The following THSD7B variants were observed in gnomAD, a reference collection of about 807,000 sequenced individuals.
THSD7B encodes thrombospondin type 1 domain containing 7B.
THSD7B carries 138 observed loss-of-function variants against 213.6 expected under a neutral mutation model. That is an observed-to-expected ratio of 0.65 (90% CI 0.56 to 0.74). The LOEUF is 0.74. Ranked by LOEUF, THSD7B falls within the 30% of genes least tolerant of loss-of-function variation. The pLI, the probability that THSD7B is intolerant of heterozygous loss-of-function variation, is 0.00. For synonymous variants in THSD7B, 742 were observed against 687.0 expected, an observed-to-expected ratio of 1.08 and a Z score of -1.25; for missense variants, 1,931 against 1,991.5, an observed-to-expected ratio of 0.97 and a Z score of 0.58.
intron 17 of THSD7B, among the ~76,000 whole-genome samples, chr2:137,588,618 C>A (rs555805609): frequency 1.3e-5 from 2 of 151,934 alleles, no homozygotes; most frequent in Admixed American, 1.3e-4. Context: ...TGAAATCCAG[C>A]ACACATAGAT....
chr2:136,856,511 A>G (rs915408392), intron 1 of THSD7B, among the ~76,000 whole-genome samples: 15 of 149,962 alleles, frequency 1.0e-4, no homozygotes, highest in Non-Finnish European at 1.6e-4. Context: ...CATTATAATG[A>G]GCTGGATTTT....
rs1393075933 is a variant in THSD7B at position 136,903,966 on chromosome 2, GTGTGTGTTTGTT to G, written c.139+21653_139+21664del. ...TGTGTGTGTGTGTGTGTGTGTGTGT[GTGTGTGTTTGTT>G]TGTTTCTGAGCTGGGCCGGCAGCAT... On this transcript the variant is annotated intron_variant, in intron 2 of 27. Transcript: ENST00000409968. 3.6e-3 allele frequency among the ~76,000 whole-genome samples: 196 copies of G among 54,792 alleles called. 5 individuals are homozygous for G. Among genetic ancestry groups the G allele is most frequent in the Admixed American group, 0.016 (57 of 3,642 alleles). The allele number at this position is 54,792 out of a possible 152,430, so 35.9% of individuals were successfully genotyped here.
At chr2:136,818,368 A>G (rs1425697554) in intron 1 of THSD7B, among the ~76,000 whole-genome samples, 2 of 141,020 alleles carry the variant, frequency 1.4e-5, no homozygotes, top group African/African-American at 5.3e-5. Flanking sequence ...GGACACAGGA[A>G]GGGGAATATC....
At chr2:137,278,312 C>T (rs1377134905) in intron 12 of THSD7B, among the ~76,000 whole-genome samples, 1 of 152,140 alleles carries the variant, frequency 6.6e-6, no homozygotes, top group Non-Finnish European at 1.5e-5. Flanking sequence ...ACACCATGAT[C>T]TCTCACCCAG....
rs1019982730 is a variant in THSD7B, at chr2:137,264,928, T to C, written c.2267-7605T>C. 3.0e-4 allele frequency among the ~76,000 whole-genome samples: 45 copies of C among 152,078 alleles called. 1 individual carries two copies. The highest frequency in any genetic ancestry group is 3.2e-3 in the Middle Eastern group (1 of 316). ...TGCCATGCTGGTGCGCTGCACCCAC[T>C]AACTTGTCATCTAGCATTAGGTATA... On this transcript the variant is annotated intron_variant, in intron 10 of 27. Transcript: ENST00000409968.
rs998195265 is a variant in THSD7B, at chr2:137,595,247, A to G, written c.3424-20928A>G. On this transcript the variant is annotated intron_variant, in intron 17 of 27. Transcript: ENST00000409968. ...ATTCCTCTATCTATTCCAAAGTGACAGTATTTAATTACAAGAAGATATGAA... is the reference window on the plus strand; with the variant it reads ...ATTCCTCTATCTATTCCAAAGTGACGGTATTTAATTACAAGAAGATATGAA... Among the ~76,000 whole-genome samples the G allele has an allele frequency of 1.5e-4, 23 of 152,014 alleles. 1 individual carries two copies. The highest frequency in any genetic ancestry group is 4.4e-5 in the Non-Finnish European group (3 of 67,926).
intron 1 of THSD7B, among the ~76,000 whole-genome samples, chr2:136,858,976 T>A (rs1446023740): frequency 6.6e-6 from 1 of 152,232 alleles, no homozygotes; most frequent in Non-Finnish European, 1.5e-5. Context: ...TGGGTTCTTA[T>A]GACCTTCCTG....
chr2:137,564,982 T>C (rs1438820387), intron 16 of THSD7B, among the ~76,000 whole-genome samples: 1 of 152,078 alleles, frequency 6.6e-6, no homozygotes, highest in Admixed American at 6.6e-5. Flanking sequence ...AAAATAAGGT[T>C]ATTGGTGTGG....
intron 1 of THSD7B, among the ~76,000 whole-genome samples, chr2:136,865,961 T>C (rs1452032719): frequency 1.3e-5 from 2 of 152,112 alleles, no homozygotes; most frequent in Non-Finnish European, 2.9e-5. Flanking sequence ...CAGAACAGAG[T>C]GACAAATGAC....
At chr2:137,095,766 G>A (rs1410092807) in intron 4 of THSD7B, among the ~76,000 whole-genome samples, 2 of 152,080 alleles carry the variant, frequency 1.3e-5, no homozygotes, top group East Asian at 1.9e-4. Context: ...TGTGATTATG[G>A]CTCACTTTAG....
At chr2:137,444,391 C>T (rs1187559344) in intron 14 of THSD7B, among the ~76,000 whole-genome samples, 3 of 151,974 alleles carry the variant, frequency 2.0e-5, no homozygotes, top group Non-Finnish European at 4.4e-5. Flanking sequence ...CTTTCTTGGA[C>T]TAAGGTTAAA....
At chr2:136,837,372 T>A (rs1216506884) in intron 1 of THSD7B, among the ~76,000 whole-genome samples, 20 of 152,176 alleles carry the variant, frequency 1.3e-4, no homozygotes, top group Admixed American at 1.3e-3. Flanking sequence ...TAACTTTCCA[T>A]CTCAGGGCCT....
chr2:137,675,717 T>C (rs115661025), intron 27 of THSD7B, among the ~76,000 whole-genome samples: 3,652 of 151,916 alleles, frequency 0.024, 136 homozygotes, highest in African/African-American at 0.084. Flanking sequence ...GCATGGAAGG[T>C]TGGAGACAGG....
chr2:136,815,683 G>A (rs1682457962), intron 1 of THSD7B, among the ~76,000 whole-genome samples: 1 of 151,998 alleles, frequency 6.6e-6, no homozygotes, highest in Non-Finnish European at 1.5e-5. Flanking sequence ...CATAAATGTT[G>A]GTAAATGTCA....
intron 10 of THSD7B, among the ~76,000 whole-genome samples, chr2:137,264,022 G>A (rs1298372578): frequency 6.6e-6 from 1 of 152,138 alleles, no homozygotes; most frequent in Non-Finnish European, 1.5e-5. Context: ...GCTGCACTGG[G>A]TAGATTTAAT....
At chr2:137,044,023 G>A (rs1164512671) in intron 2 of THSD7B, among the ~76,000 whole-genome samples, 1 of 152,110 alleles carries the variant, frequency 6.6e-6, no homozygotes, top group Non-Finnish European at 1.5e-5. Flanking sequence ...AAGACATTTT[G>A]TGGAGAATCT....
chr2:137,360,681 G>C (rs141106486), intron 12 of THSD7B, among the ~76,000 whole-genome samples: 1 of 152,270 alleles, frequency 6.6e-6, no homozygotes, highest in African/African-American at 2.4e-5. Context: ...GCTGAGGCTT[G>C]AGTACATAAA....
At chr2:137,454,911 A>T (rs1173840664) in intron 15 of THSD7B, among the ~76,000 whole-genome samples, 1 of 152,222 alleles carries the variant, frequency 6.6e-6, no homozygotes, top group Non-Finnish European at 1.5e-5. Flanking sequence ...CTTTAAAAAA[A>T]AGTAACCAAA....
chr2:137,379,451 A>G (rs1283246104), intron 12 of THSD7B, among the ~76,000 whole-genome samples: 1 of 152,198 alleles, frequency 6.6e-6, no homozygotes, highest in African/African-American at 2.4e-5. Flanking sequence ...GCATGTAATC[A>G]TAAGTACACA....
Sources: allele counts gnomAD v4.1 joint callset (sites outside exome capture counted in the v4.1 genomes callset), GRCh38; gene constraint gnomAD v4.1.1; transcripts MANE v1.5; gene names NCBI Gene and HGNC (gene_info 2026-07-23, HGNC 2026-07-21).